Variants in ELL observed in about 807,000 individuals in gnomAD.
ELL encodes the protein RNA polymerase II elongation factor ELL.
A neutral mutation model predicts 64.0 loss-of-function variants in ELL; 18 were observed. The observed-to-expected ratio is 0.28, with a 90% CI of 0.19 to 0.42. The LOEUF (loss-of-function observed/expected upper bound fraction) is 0.42. Ranked by LOEUF, ELL falls within the 10% of genes least tolerant of loss-of-function variation. The pLI is 1.00. For missense variants in ELL, 797 were observed against 870.4 expected (o/e 0.92, Z 1.06); for synonymous variants, 399 against 376.2 (o/e 1.06, Z -0.70).
chr19:18,451,064 G>A (rs1175432849), intron 7 of ELL, 89 bp from the exon 8 acceptor site: 51 of 1,408,996 alleles, frequency 3.6e-5, no homozygotes, highest in Non-Finnish European at 4.4e-5. Flanking sequence ...AAAACCCAAC[G>A]CCGCCTGCAA....
At chr19:18,446,019 TGTG>T (rs1215232774) in intron 10 of ELL, 1 of 425,594 alleles carries the variant, frequency 2.3e-6, no homozygotes, top group Non-Finnish European at 4.2e-6. Context: ...CGCTCAAACA[TGTG>T]GGGATCCATG....
chr19:18,469,988 C>G (rs2891676), intron 2 of ELL, among the ~76,000 whole-genome samples: 48,280 of 152,160 alleles, frequency 0.32, 9,576 homozygotes, highest in African/African-American at 0.56. Flanking sequence ...CAGCATGGCC[C>G]AGGACCAAGA....
At chr19:18,491,082 C>CT (rs994110849) in intron 1 of ELL, among the ~76,000 whole-genome samples, 1 of 151,900 alleles carries the variant, frequency 6.6e-6, no homozygotes, top group African/African-American at 2.4e-5. Context: ...AATCAGTAGA[C>CT]TGTTTTGTTT....
intron 10 of ELL, 121 bp from the exon 11 acceptor site, chr19:18,445,389 A>G: frequency 3.8e-6 from 4 of 1,056,496 alleles, no homozygotes; most frequent in Non-Finnish European, 5.8e-6. Flanking sequence ...CTCAAGGACA[A>G]GGCCAAGTAA....
chr19:18,496,592 GA>G (rs1975658969), intron 1 of ELL, among the ~76,000 whole-genome samples: 1 of 152,158 alleles, frequency 6.6e-6, no homozygotes, highest in Admixed American at 6.5e-5. Context: ...TCATGGGTTG[GA>G]GGCGTGGAGT....
intron 1 of ELL, among the ~76,000 whole-genome samples, chr19:18,514,513 CAAA>C (rs557236460): frequency 2.5e-5 from 1 of 39,308 alleles, no homozygotes; most frequent in Non-Finnish European, 5.8e-5. Context: ...GACTCCATCT[CAAA>C]AAAAAAAAAA....
intron 8 of ELL, 125 bp downstream of exon 8, chr19:18,450,352 C>T: frequency 6.9e-7 from 1 of 1,454,582 alleles, no homozygotes; most frequent in South Asian, 1.4e-5. Flanking sequence ...CTGATGGGGC[C>T]TGGGGCAACA....
At chr19:18,500,940 C>A (rs540743817) in intron 1 of ELL, among the ~76,000 whole-genome samples, 62 of 152,246 alleles carry the variant, frequency 4.1e-4, no homozygotes, top group Non-Finnish European at 6.3e-4. Flanking sequence ...CACATGGCGG[C>A]TGCTCGCCAA....
At chr19:18,478,368 T>TG (rs773840948) in intron 1 of ELL, among the ~76,000 whole-genome samples, 1 of 152,144 alleles carries the variant, frequency 6.6e-6, no homozygotes, top group Non-Finnish European at 1.5e-5. Context: ...CAGTAGCACA[T>TG]GACACCTGCA....
intron 1 of ELL, chr19:18,475,712 G>A (rs1053686908): frequency 1.3e-5 from 2 of 152,230 alleles, no homozygotes; most frequent in African/African-American, 4.8e-5. Flanking sequence ...CCCCAGGTAA[G>A]GCAAAACCAA....
chr19:18,463,030 G>A lies in ELL; in HGVS notation c.470-1178C>T, dbSNP rs184791975. On this transcript the variant is annotated intron_variant, in intron 4 of 11. Coordinates refer to ENST00000262809, the MANE Select transcript of ELL (RefSeq NM_006532.4). ...GCTCTGTCCTGAACAATGATGCCCCGGCATCCTTGGGAACAGGGTCGGCCG... is the reference window on the plus strand; with the variant it reads ...GCTCTGTCCTGAACAATGATGCCCCAGCATCCTTGGGAACAGGGTCGGCCG... Among the ~76,000 whole-genome samples the A allele has an allele frequency of 1.6e-3, 245 of 152,288 alleles. 1 individual carries two copies. Among genetic ancestry groups the A allele is most frequent in the Middle Eastern group, 3.4e-3 (1 of 294 alleles).
chr19:18,469,147 C>T (rs1405166095), intron 2 of ELL, among the ~76,000 whole-genome samples: 1 of 152,120 alleles, frequency 6.6e-6, no homozygotes, highest in Non-Finnish European at 1.5e-5. Flanking sequence ...GGGAGAGTGT[C>T]GTGCTGCTGG....
In ELL at chr19:18,454,840, C is replaced by CAAAAAAAAAAAAAAAAAAAAAAAAAAAAA. The variant is rs563546343; in HGVS notation, c.870-3193_870-3192insTTTTTTTTTTTTTTTTTTTTTTTTTTTTT. Among the ~76,000 whole-genome samples, 19 of 56,514 alleles carry CAAAAAAAAAAAAAAAAAAAAAAAAAAAAA rather than the reference C, an allele frequency of 3.4e-4. 1 individual carries two copies. Among genetic ancestry groups the CAAAAAAAAAAAAAAAAAAAAAAAAAAAAA allele is most frequent in the Non-Finnish European group, 5.5e-4 (16 of 29,244 alleles). 37.1% of individuals were successfully genotyped at this position (56,514 alleles called of 152,430 possible). On this transcript the variant is annotated intron_variant, in intron 6 of 11. Transcript: ENST00000262809. Reference sequence around the variant, plus strand: ...TGGGCAACAGAGTGAGACTCAGTCTCAAAAAAAAAAAAAAAAAAGGCATCC... The same window carrying CAAAAAAAAAAAAAAAAAAAAAAAAAAAAA: ...TGGGCAACAGAGTGAGACTCAGTCTCAAAAAAAAAAAAAAAAAAAAAAAAAAAAAAAAAAAAAAAAAAAAAAAGGCATCC...
At chr19:18,495,105 GT>G (rs1975619359) in intron 1 of ELL, among the ~76,000 whole-genome samples, 1 of 152,218 alleles carries the variant, frequency 6.6e-6, no homozygotes, top group African/African-American at 2.4e-5. Flanking sequence ...GGGCACAAAT[GT>G]TGGAGTAGAC....
chr19:18,465,134 G>A (rs547620519), intron 4 of ELL, among the ~76,000 whole-genome samples: 11 of 152,332 alleles, frequency 7.2e-5, no homozygotes, highest in African/African-American at 2.4e-4. Context: ...ACAGCTCCTG[G>A]AGTTCTCAGG....
At chr19:18,520,871 C>T (rs191356971) in intron 1 of ELL, among the ~76,000 whole-genome samples, 1 of 152,078 alleles carries the variant, frequency 6.6e-6, no homozygotes, top group Non-Finnish European at 1.5e-5. Flanking sequence ...CACTTCCCCT[C>T]GGGACCTGAC....
In ELL at chr19:18,446,295, C is replaced by T. The variant is rs367692407; in HGVS notation, c.1704+14G>A. On this transcript the variant is annotated intron_variant, in intron 10 of 11. Coordinates refer to ENST00000262809, the MANE Select transcript of ELL (RefSeq NM_006532.4). ...GCCAGAGCCAGGGCACAGTAGGCAGCGGGGGGGCTCTACCTCATACTCCTC... is the reference window on the plus strand; with the variant it reads ...GCCAGAGCCAGGGCACAGTAGGCAGTGGGGGGGCTCTACCTCATACTCCTC... 5.0e-5 allele frequency: 77 copies of T among 1,555,176 alleles called. No homozygotes were observed. Among genetic ancestry groups the T allele is most frequent in the African/African-American group, 8.1e-5 (6 of 74,122 alleles).
intron 1 of ELL, among the ~76,000 whole-genome samples, chr19:18,476,720 GC>G (rs776031965): frequency 2.0e-5 from 3 of 152,184 alleles, no homozygotes; most frequent in Admixed American, 6.5e-5. Context: ...ATGAGAGGTG[GC>G]CGTCATCATG....
chr19:18,477,964 T>G (rs1600467997), intron 1 of ELL, among the ~76,000 whole-genome samples: 1 of 151,198 alleles, frequency 6.6e-6, no homozygotes, highest in Non-Finnish European at 1.5e-5. Context: ...AAGGACTGGG[T>G]GGGGGGGATG....
Sources: allele counts gnomAD v4.1 joint callset (sites outside exome capture counted in the v4.1 genomes callset), GRCh38; gene constraint gnomAD v4.1.1; transcripts MANE v1.5; gene names NCBI Gene and HGNC (gene_info 2026-07-23, HGNC 2026-07-21).